KNL1: variants seen among roughly 807,000 people sequenced by gnomAD.
KNL1 encodes the protein outer kinetochore KNL1 complex subunit KNL1.
In KNL1, 66 loss-of-function variants were observed where a neutral mutation model predicts 201.3. That is an observed-to-expected ratio of 0.33 (90% CI 0.27 to 0.40). KNL1 has a LOEUF of 0.40. Among genes scored for constraint, KNL1 ranks in the 10% least tolerant of loss-of-function variants. KNL1 has a pLI of 1.00. For synonymous variants in KNL1, 895 were observed against 899.2 expected (o/e 1.00, Z 0.08); for missense variants, 2,815 against 2,690.5 (o/e 1.05, Z -1.02).
At chr15:40,650,450 T>C (rs1893519986) in intron 18 of KNL1, 72 bp downstream of exon 18, 5 of 1,566,136 alleles carry the variant, frequency 3.2e-6, no homozygotes, top group Non-Finnish European at 4.4e-6. Context: ...TTATATACTT[T>C]GGTGAGATTA....
In KNL1 at chr15:40,623,738, A is replaced by C. The variant is rs774901560; in HGVS notation, c.3474A>C (p.Thr1158=). 1 of 1,614,038 alleles carries C rather than the reference A, an allele frequency of 6.2e-7. No individual in the cohort carries two copies. Among genetic ancestry groups the C allele is most frequent in the African/African-American group, 1.3e-5 (1 of 75,052 alleles). The stretch of plus-strand genomic sequence containing the variant: ...CCATGGACAAAACCGTATTGTTCAC[A>C]GATAATTACAGTGATCTGGAAGTCA... ...IRPMDKTVLF[T]DNYSDLEVTD... is the part of the protein sequence containing the mutation. The change falls in exon 10 of 26, where the codon ACA becomes ACC. Residue 1158 remains threonine, a synonymous_variant. Transcript: ENST00000399668.
rs1162484450 is a variant in KNL1 at position 40,622,939 on chromosome 15, A to G, written c.2675A>G (p.Asp892Gly). The change falls in exon 10 of 26, where the codon GAT (aspartate) becomes GGT (glycine). Residue 892 changes from aspartate (D) to glycine (G), a missense_variant. Asp to Gly is a moderately conservative substitution (Grantham distance 94). Transcript: ENST00000399668. ...CATAGACCTTTATTAGAGAAACGTG[A>G]TTGTCATTTGGTGCCATTGGCAGGA... is the stretch of plus-strand genomic sequence containing the variant. ...INHRPLLEKRDCHLVPLAGTS... is the reference protein window; with the variant it reads ...INHRPLLEKRGCHLVPLAGTS... 6.2e-7 allele frequency: 1 copy of G among 1,613,460 alleles called. No individual in the cohort carries two copies. Among genetic ancestry groups the G allele is most frequent in the Non-Finnish European group, 8.5e-7 (1 of 1,179,692 alleles).
chr15:40,599,708 G>A (rs1008593843), intron 1 of KNL1, among the ~76,000 whole-genome samples: 1 of 151,592 alleles, frequency 6.6e-6, no homozygotes, highest in African/African-American at 2.4e-5. Context: ...CATCTGTTGA[G>A]ATGATTATAT....
chr15:40,642,684 G>A lies in KNL1; in HGVS notation c.5798+1657G>A, dbSNP rs184330325. Among the ~76,000 whole-genome samples, 124 of 152,258 alleles carry A rather than the reference G, an allele frequency of 8.1e-4. 1 individual carries two copies. Among genetic ancestry groups the A allele is most frequent in the African/African-American group, 2.7e-3 (114 of 41,560 alleles). The stretch of plus-strand genomic sequence containing the variant: ...GCTCTGTTGCCCAGGCTGGAGTGCA[G>A]TAGCGCCATCTCGGCTCACTGCAAG... On this transcript the variant is annotated intron_variant, in intron 14 of 25. Coordinates refer to ENST00000399668, the MANE Select transcript of KNL1 (RefSeq NM_144508.5).
chr15:40,604,448 G>A (rs1891909164), intron 2 of KNL1, among the ~76,000 whole-genome samples: 1 of 152,206 alleles, frequency 6.6e-6, no homozygotes, highest in South Asian at 2.1e-4. Context: ...CTGGGCTCAA[G>A]TGATTCTCCT....
chr15:40,620,695 T>G lies in KNL1; in HGVS notation c.431T>G (p.Ile144Ser). Residue 144 changes from isoleucine to serine, a missense_variant, in exon 10 of 26, where the codon ATT becomes AGT. Ile to Ser is a moderately radical substitution (Grantham distance 142). Transcript: ENST00000399668. ...AAACATGCAAATGACCAGACAGTCA[T>G]TTTTTCAGATGAAAACCAGATGGAC... Reference protein sequence around the residue: ...ERKHANDQTVIFSDENQMDLT... With the variant: ...ERKHANDQTVSFSDENQMDLT... 6.2e-7 allele frequency: 1 copy of G among 1,603,178 alleles called. No homozygotes were observed. The highest frequency in any genetic ancestry group is 8.5e-7 in the Non-Finnish European group (1 of 1,176,924).
In KNL1 at chr15:40,622,741, A is replaced by T. The variant is rs1304809796; in HGVS notation, c.2477A>T (p.Asp826Val). 6.2e-7 allele frequency: 1 copy of T among 1,602,230 alleles called. No homozygotes were observed. The highest frequency in any genetic ancestry group is 1.8e-5 in the Admixed American group (1 of 57,134). Residue 826 changes from aspartate (D) to valine (V), a missense_variant, in exon 10 of 26, where the codon GAT (aspartate) becomes GTT (valine). Asp to Val is a radical substitution (Grantham distance 152). This residue lies in a region of KNL1 where 2,464 missense variants were observed against 2,291.7 expected (regional missense o/e 1.08). Transcript: ENST00000399668. ...GTGCTTAAATCTAACTGTATTATGG[A>T]TGTGTTAGAGGACGAAAGTGTACAG... ...SGVLKSNCIM[D>V]VLEDESVQKP...
At chr15:40,653,734 C>T (rs539247765) in intron 21 of KNL1, among the ~76,000 whole-genome samples, 2 of 152,312 alleles carry the variant, frequency 1.3e-5, no homozygotes, top group East Asian at 1.9e-4. Context: ...CTTTTCCTAT[C>T]TCATACTACC....
Position 40,621,836 on chromosome 15 carries a change from GACC to G in KNL1, c.1575_1577del (p.Thr526del), listed in dbSNP as rs1160879647. The G allele has an allele frequency of 1.2e-6, 2 of 1,613,986 alleles. No individual in the cohort carries two copies. Among genetic ancestry groups the G allele is most frequent in the Non-Finnish European group, 1.7e-6 (2 of 1,179,914 alleles). On this transcript the variant is annotated inframe_deletion, in exon 10 of 26. Transcript: ENST00000399668. ...AAGAAATGATGCTCCAAAATCTTAT[GACC>G]ACATCAGAAGATGGGAAAATGAATG...
chr15:40,621,069 A>G lies in KNL1; in HGVS notation c.805A>G (p.Asn269Asp). The change falls in exon 10 of 26, where the codon AAT (asparagine) becomes GAT (aspartate). Residue 269 changes from asparagine to aspartate, a missense_variant. Asn to Asp is a conservative substitution (Grantham distance 23). Coordinates refer to ENST00000399668, the MANE Select transcript of KNL1 (RefSeq NM_144508.5). ...VSLKEDENNS[N>D]ITRLFREKDD... ...TCTTAAGGAAGATGAAAATAACAGTAATATTACTAGGCTCTTTAGAGAAAA... is the reference window on the plus strand; with the variant it reads ...TCTTAAGGAAGATGAAAATAACAGTGATATTACTAGGCTCTTTAGAGAAAA... 6.2e-7 allele frequency: 1 copy of G among 1,612,596 alleles called. No individual in the cohort carries two copies. Among genetic ancestry groups the G allele is most frequent in the Non-Finnish European group, 8.5e-7 (1 of 1,179,378 alleles).
intron 5 of KNL1, 51 bp downstream of exon 5, chr15:40,608,959 G>A (rs369384188): frequency 1.6e-6 from 2 of 1,242,972 alleles, no homozygotes; most frequent in East Asian, 2.3e-5. Context: ...GGTATTTTGT[G>A]TATCAAACCA....
intron 7 of KNL1, among the ~76,000 whole-genome samples, chr15:40,612,407 G>T (rs182720163): frequency 1.3e-5 from 2 of 150,586 alleles, no homozygotes; most frequent in East Asian, 2.0e-4. Flanking sequence ...CACGAGAATC[G>T]CTTGAACCCG....
In KNL1 at chr15:40,606,408, A is replaced by G; in HGVS notation, c.91A>G (p.Arg31Gly). The change falls in exon 4 of 26, where the codon AGG (arginine) becomes GGG (glycine). Residue 31 changes from arginine (R) to glycine (G), a missense_variant. Arg to Gly is a moderately radical substitution (Grantham distance 125, BLOSUM62 -2). This residue lies in a region of KNL1 where 2,464 missense variants were observed against 2,291.7 expected (regional missense o/e 1.08). Transcript: ENST00000399668. ...GTTACCCTAGATATTGAAACCCCCA[A>G]GGAGTCCTCTTCAGGACCTCAGAGG... ...RRHSSILKPP[R>G]SPLQDLRGGN... is the part of the protein sequence containing the mutation. The G allele has an allele frequency of 6.3e-6, 10 of 1,581,120 alleles. No individual in the cohort carries two copies. The highest frequency in any genetic ancestry group is 8.7e-6 in the Non-Finnish European group (10 of 1,150,438).
Position 40,623,342 on chromosome 15 carries a change from C to A in KNL1, c.3078C>A (p.Gly1026=), listed in dbSNP as rs774225682. ...TGGAGGAATGGTCTAATAATAGGGG[C>A]CCTGTAGAGGTAGCTGATAACATGG... The part of the protein sequence containing the change: ...TPLEEWSNNR[G]PVEVADNMEL... The change falls in exon 10 of 26, where the codon GGC becomes GGA. Residue 1026 remains glycine (G), a synonymous_variant. Coordinates refer to ENST00000399668, the MANE Select transcript of KNL1 (RefSeq NM_144508.5). The A allele has an allele frequency of 6.2e-7, 1 of 1,613,896 alleles. No individual in the cohort carries two copies. The highest frequency in any genetic ancestry group is 1.7e-5 in the Admixed American group (1 of 60,004).
At chr15:40,658,527 C>CAAAA in intron 24 of KNL1, among the ~76,000 whole-genome samples, 1 of 8,800 alleles carries the variant, frequency 1.1e-4, no homozygotes, top group Non-Finnish European at 2.2e-4. Context: ...GACTCCATCT[C>CAAAA]AAAAAAAAAA....
intron 18 of KNL1, 51 bp from the exon 19 acceptor site, chr15:40,650,493 G>A: frequency 6.4e-7 from 1 of 1,556,138 alleles, no homozygotes; most frequent in East Asian, 2.3e-5. Context: ...GATTTTTGTG[G>A]CAACATTCTA....
At chr15:40,660,902 G>A (rs1046272432) in intron 25 of KNL1, among the ~76,000 whole-genome samples, 1 of 152,098 alleles carries the variant, frequency 6.6e-6, no homozygotes, top group African/African-American at 2.4e-5. Flanking sequence ...GGTGGAGATT[G>A]TGGTGAGCCA....
chr15:40,648,833 T>C (rs1459974744), intron 17 of KNL1, among the ~76,000 whole-genome samples: 1 of 149,164 alleles, frequency 6.7e-6, no homozygotes, highest in Non-Finnish European at 1.5e-5. Context: ...AACTTTCTTT[T>C]TTTTTTTTTT....
rs1364583401 is a variant in KNL1 at position 40,644,373 on chromosome 15, T to G, written c.5799-624T>G. Among the ~76,000 whole-genome samples the G allele has an allele frequency of 2.6e-5, 4 of 152,364 alleles. No homozygotes were observed. In the South Asian group the frequency reaches 6.2e-4, roughly 24 times the overall value. ...CTCGCCTCCCACCATAGGGCGGTTTTTCTCCTATCTCAGAATCGAACAAAT... is the reference window on the plus strand; with the variant it reads ...CTCGCCTCCCACCATAGGGCGGTTTGTCTCCTATCTCAGAATCGAACAAAT... On this transcript the variant is annotated intron_variant, in intron 14 of 25. Coordinates refer to ENST00000399668, the MANE Select transcript of KNL1 (RefSeq NM_144508.5).
Sources: allele counts gnomAD v4.1 joint callset (sites outside exome capture counted in the v4.1 genomes callset), GRCh38; gene constraint gnomAD v4.1.1; regional missense constraint gnomAD v4.1.1; transcripts MANE v1.5; gene names NCBI Gene and HGNC (gene_info 2026-07-23, HGNC 2026-07-21).